Variants in DGKA observed in about 807,000 individuals in gnomAD.
The protein encoded by DGKA is 80 kDa diacylglycerol kinase.
Under a neutral mutation model 105.0 loss-of-function variants are expected in DGKA, and 35 were observed. That is an observed-to-expected ratio of 0.33 (90% CI 0.25 to 0.44). The LOEUF (loss-of-function observed/expected upper bound fraction) is 0.44, where lower values mean the gene tolerates loss of function less well. Ranked by LOEUF, DGKA falls within the 20% of genes least tolerant of loss-of-function variation. DGKA has a pLI of 1.00. For synonymous variants in DGKA, 296 were observed against 332.0 expected (o/e 0.89, Z 1.18); for missense variants, 665 against 915.0 (o/e 0.73, Z 3.53).
chr12:55,940,496 C>T lies in DGKA; in HGVS notation c.918+63C>T. ...CCCGCAGAGCTGCCTTCTCCACGGG[C>T]CTCCGGCCACACCTCCTTTACAGGC... On this transcript the variant is annotated intron_variant, in intron 11 of 23. Transcript: ENST00000331886. The surrounding 1 kb of genome is among the most constrained non-coding windows in gnomAD (Gnocchi z 4.3). The T allele has an allele frequency of 6.3e-7, 1 of 1,597,708 alleles. No individual in the cohort carries two copies. The highest frequency in any genetic ancestry group is 1.1e-5 in the South Asian group (1 of 88,778).
At chr12:55,936,129 T>A in intron 1 of DGKA, 1 of 753,458 alleles carries the variant, frequency 1.3e-6, no homozygotes, top group Non-Finnish European at 1.7e-6. Flanking sequence ...CGGGTGCGGG[T>A]GGGAAGGTGA....
intron 17 of DGKA, among the ~76,000 whole-genome samples, chr12:55,949,867 G>A (rs567425596): frequency 3.9e-5 from 6 of 152,074 alleles, no homozygotes; most frequent in South Asian, 2.1e-4. Context: ...GCTCATGCTG[G>A]AGTACAGTGG....
Position 55,938,038 on chromosome 12 carries a change from AAGACAAGTT to A in DGKA, c.339_347del (p.Asp113_Leu115del). The A allele has an allele frequency of 6.2e-7, 1 of 1,614,090 alleles. No individual in the cohort carries two copies. The highest frequency in any genetic ancestry group is 8.5e-7 in the Non-Finnish European group (1 of 1,180,000). Reference sequence around the variant, plus strand: ...TCCCTTCTGGAGGGTGGTCGGCCAGAAGACAAGTTAGAATGTGAGTTGCCCTTCTGAAGT... The same window carrying A: ...TCCCTTCTGGAGGGTGGTCGGCCAGAAGAATGTGAGTTGCCCTTCTGAAGT... On this transcript the variant is annotated inframe_deletion, in exon 5 of 24. Transcript: ENST00000331886.
At chr12:55,930,078 G>C (rs1461397871), upstream of DGKA, among the ~76,000 whole-genome samples, 1 of 152,180 alleles carries the variant, frequency 6.6e-6, no homozygotes, top group Non-Finnish European at 1.5e-5. Flanking sequence ...AAAACTGATA[G>C]GCAGAGGTGT....
Position 55,932,709 on chromosome 12 carries a change from G to GCACA in DGKA, c.-82+1394_-82+1397dup, listed in dbSNP as rs57799285. On this transcript the variant is annotated intron_variant, in intron 1 of 23. Transcript: ENST00000331886. This position sits in a 1 kb window ranked among gnomAD's most constrained non-coding sequence, Gnocchi z 4.3. ...ACACCCTCTACACACACACACACAC[G>GCACA]CACACACACACACACACACACACAC... 6.4e-4 allele frequency: 321 copies of GCACA among 499,024 alleles called. No individual in the cohort carries two copies. The highest frequency in any genetic ancestry group is 3.4e-3 in the African/African-American group (166 of 49,330). 30.9% of individuals were successfully genotyped at this position (499,024 alleles called of 1,614,324 possible). A position where few individuals can be genotyped will look rare whatever the true frequency, so the allele number is the denominator to read the frequency against.
intron 6 of DGKA, 86 bp downstream of exon 6, chr12:55,938,646 G>A: frequency 6.2e-7 from 1 of 1,609,498 alleles, no homozygotes; most frequent in Non-Finnish European, 8.5e-7. Flanking sequence ...AGGGTCTTAA[G>A]AAACAGAAGA....
chr12:55,940,620 T>G lies in DGKA; in HGVS notation c.919-4T>G, dbSNP rs1308217718. On this transcript the variant is annotated splice_polypyrimidine_tract_variant and splice_region_variant and intron_variant, in intron 11 of 23. Coordinates refer to ENST00000331886, the MANE Select transcript of DGKA (RefSeq NM_001345.5). This position sits in a 1 kb window ranked among gnomAD's most constrained non-coding sequence, Gnocchi z 4.3. ...GATCTCTCTGTGCCCACCTCGTCTT[T>G]CAGATCCACGATGACTGCCTGCAAG... is the stretch of plus-strand genomic sequence containing the variant. The G allele has an allele frequency of 4.4e-6, 7 of 1,574,380 alleles. No individual in the cohort carries two copies. Among genetic ancestry groups the G allele is most frequent in the Non-Finnish European group, 6.0e-6 (7 of 1,162,958 alleles).
upstream of DGKA, chr12:55,927,906 C>A (rs569965084): frequency 3.9e-4 from 433 of 1,097,352 alleles, 6 homozygotes; most frequent in South Asian, 5.5e-3. Flanking sequence ...CCTCCTCGGG[C>A]TGGGCCCTAG....
Position 55,942,178 on chromosome 12 carries a change from A to T in DGKA, c.1341A>T (p.Lys447Asn). 2 of 1,614,196 alleles carry T rather than the reference A, an allele frequency of 1.2e-6. No individual in the cohort carries two copies. The highest frequency in any genetic ancestry group is 1.7e-6 in the Non-Finnish European group (2 of 1,180,032). ...TCTCTTCACCTGCCTCCGCAGACAA[A>T]GCTAACTTGCCAGTTTTGCCTCCTG... ...TVGWILETID[K>N]ANLPVLPPVA... Residue 447 changes from lysine to asparagine, a missense_variant, in exon 17 of 24, where the codon AAA becomes AAT. This residue lies in a region of DGKA where 504 missense variants were observed against 681.2 expected (regional missense o/e 0.74). Transcript: ENST00000331886.
At chr12:55,949,341 G>A (rs1164084653) in intron 17 of DGKA, among the ~76,000 whole-genome samples, 1 of 152,026 alleles carries the variant, frequency 6.6e-6, no homozygotes, top group African/African-American at 2.4e-5. Flanking sequence ...TGGGATTATG[G>A]GCACCCACCA....
chr12:55,947,937 G>A lies in DGKA; in HGVS notation c.1427-3686G>A, dbSNP rs111638636. Among the ~76,000 whole-genome samples the A allele has an allele frequency of 9.8e-3, 1,493 of 152,014 alleles. 13 individuals carry two copies. The highest frequency in any genetic ancestry group is 0.017 in the Non-Finnish European group (1,141 of 67,970). On this transcript the variant is annotated intron_variant, in intron 17 of 23. Coordinates refer to ENST00000331886, the MANE Select transcript of DGKA (RefSeq NM_001345.5). Reference sequence around the variant, plus strand: ...CCCAAGTAGCTGGGACTAAAGGCACGCGCCACCACGCCTGGCTAATTTTTT... The same window carrying A: ...CCCAAGTAGCTGGGACTAAAGGCACACGCCACCACGCCTGGCTAATTTTTT...
upstream of DGKA, chr12:55,927,850 A>G: frequency 6.7e-7 from 1 of 1,488,416 alleles, no homozygotes; most frequent in Non-Finnish European, 9.0e-7. Context: ...CGGCGAAGTG[A>G]TGAGGGCCCT....
intron 1 of DGKA, among the ~76,000 whole-genome samples, chr12:55,935,114 C>A (rs181262747): frequency 4.6e-5 from 7 of 152,330 alleles, no homozygotes; most frequent in Admixed American, 3.3e-4. Context: ...GCTCCAGTTT[C>A]TTCATCTGTA....
At chr12:55,938,871 T>C in intron 6 of DGKA, 44 bp from the exon 7 acceptor site, 2 of 1,608,362 alleles carry the variant, frequency 1.2e-6, no homozygotes. Context: ...TGGATGGTGG[T>C]AGTAAAGGGG....
chr12:55,951,321 G>C (rs572151382), intron 17 of DGKA, among the ~76,000 whole-genome samples: 8 of 152,312 alleles, frequency 5.3e-5, no homozygotes, highest in African/African-American at 1.9e-4. Context: ...GGGTGAGAGA[G>C]GATTATCCCC....
In DGKA at chr12:55,952,976, A is replaced by C. The variant is rs142477107; in HGVS notation, c.1942+44A>C. 8.7e-6 allele frequency: 14 copies of C among 1,614,010 alleles called. No individual in the cohort carries two copies. Among genetic ancestry groups the C allele is most frequent in the East Asian group, 2.2e-5 (1 of 44,884 alleles). On this transcript the variant is annotated intron_variant, in intron 21 of 23. Coordinates refer to ENST00000331886, the MANE Select transcript of DGKA (RefSeq NM_001345.5). The surrounding 1 kb of genome is among the most constrained non-coding windows in gnomAD (Gnocchi z 5.1). ...GGAGCTGAGTGGGCAGGACGAAGGGAAAGTGTGACTCCCTATGGGGATACC... is the reference window on the plus strand; with the variant it reads ...GGAGCTGAGTGGGCAGGACGAAGGGCAAGTGTGACTCCCTATGGGGATACC...
In DGKA at chr12:55,953,982, T is replaced by C. The variant is rs1888685425; in HGVS notation, c.*214T>C. On this transcript the variant is annotated 3_prime_UTR_variant, in exon 24 of 24. Transcript: ENST00000331886. Reference sequence around the variant, plus strand: ...AAACACATACATTGAAAGTGCCTCATCTGAATAAAATGACTTGTGTTTCCC... The same window carrying C: ...AAACACATACATTGAAAGTGCCTCACCTGAATAAAATGACTTGTGTTTCCC... 1.6e-5 allele frequency: 10 copies of C among 638,288 alleles called. No individual in the cohort carries two copies. The highest frequency in any genetic ancestry group is 1.8e-5 in the African/African-American group (1 of 54,690). 39.5% of individuals were successfully genotyped at this position (638,288 alleles called of 1,614,324 possible).
At chr12:55,947,828 T>C (rs1887345796) in intron 17 of DGKA, among the ~76,000 whole-genome samples, 2 of 152,274 alleles carry the variant, frequency 1.3e-5, no homozygotes, top group East Asian at 3.9e-4. Context: ...TCCACTCCTG[T>C]TACCCAGGCT....
upstream of DGKA, chr12:55,927,439 C>G: frequency 1.4e-6 from 1 of 706,638 alleles, no homozygotes; most frequent in Non-Finnish European, 2.5e-6. Flanking sequence ...GAAAAGGGCG[C>G]AAGGCCCACC....
Sources: allele counts gnomAD v4.1 joint callset (sites outside exome capture counted in the v4.1 genomes callset), GRCh38; gene constraint gnomAD v4.1.1; regional missense constraint gnomAD v4.1.1; non-coding constraint Gnocchi (gnomAD v3.1); transcripts MANE v1.5; gene names NCBI Gene and HGNC (gene_info 2026-07-23, HGNC 2026-07-21).